Variants in MTUS2 observed in about 807,000 individuals in gnomAD.
MTUS2 encodes microtubule-associated tumor suppressor candidate 2.
In MTUS2, 40 loss-of-function variants were observed where a neutral mutation model predicts 114.1. The observed-to-expected ratio is 0.35, with a 90% confidence interval of 0.27 to 0.46. The LOEUF is 0.46. Among genes scored for constraint, MTUS2 ranks in the 20% least tolerant of loss-of-function variants. The pLI is 1.00. For synonymous variants in MTUS2, 688 were observed against 672.0 expected, an observed-to-expected ratio of 1.02 and a Z score of -0.37; for missense variants, 1,679 against 1,705.4, an observed-to-expected ratio of 0.98 and a Z score of 0.27.
chr13:28,821,983 T>C (rs1005124275), intron 1 of MTUS2, among the ~76,000 whole-genome samples: 1 of 152,214 alleles, frequency 6.6e-6, no homozygotes, highest in Non-Finnish European at 1.5e-5. Context: ...AAGTGATATA[T>C]TTCATTTGCA....
At chr13:29,173,004 C>T (rs1007706071) in intron 5 of MTUS2, among the ~76,000 whole-genome samples, 5 of 152,038 alleles carry the variant, frequency 3.3e-5, no homozygotes, top group African/African-American at 4.8e-5. Context: ...ACATATATCT[C>T]GTGTACCTAG....
rs145483745 is a variant in MTUS2 at position 29,332,006 on chromosome 13, T to G, written c.2905+7295T>G. Among the ~76,000 whole-genome samples the G allele has an allele frequency of 5.1e-3, 780 of 152,306 alleles. 3 individuals are homozygous for G. Among genetic ancestry groups the G allele is most frequent in the African/African-American group, 0.011 (452 of 41,556 alleles). On this transcript the variant is annotated intron_variant, in intron 7 of 15. Transcript: ENST00000612955. ...TCTCGTTAATGTTCATCAGGGATAT[T>G]GGCCTGAAATTTTCTTTTTTTGTTG...
intron 2 of MTUS2, among the ~76,000 whole-genome samples, chr13:28,908,598 A>T (rs963184113): frequency 2.6e-5 from 4 of 151,428 alleles, no homozygotes; most frequent in Admixed American, 2.0e-4. Context: ...GCCGCAATAA[A>T]CATACATGTG....
chr13:28,885,110 T>C (rs1348789853), intron 2 of MTUS2, among the ~76,000 whole-genome samples: 1 of 152,234 alleles, frequency 6.6e-6, no homozygotes, highest in African/African-American at 2.4e-5. Context: ...GGTAGCTTTA[T>C]CTTAACAGAT....
intron 2 of MTUS2, among the ~76,000 whole-genome samples, chr13:28,989,896 T>G (rs1884755517): frequency 6.6e-6 from 1 of 151,622 alleles, no homozygotes; most frequent in South Asian, 2.1e-4. Context: ...TGCATGTTGA[T>G]AATGAGTTCA....
chr13:29,169,529 A>T (rs1893464522), intron 5 of MTUS2, among the ~76,000 whole-genome samples: 1 of 152,108 alleles, frequency 6.6e-6, no homozygotes, highest in South Asian at 2.1e-4. Flanking sequence ...TTAATCAAGT[A>T]TTTGCATTAT....
chr13:29,382,233 G>A (rs550137451), intron 8 of MTUS2, among the ~76,000 whole-genome samples: 4 of 152,330 alleles, frequency 2.6e-5, no homozygotes, highest in African/African-American at 9.6e-5. Flanking sequence ...CTAAGCAGTG[G>A]TGGAGACCCT....
intron 8 of MTUS2, among the ~76,000 whole-genome samples, chr13:29,424,130 A>T (rs918109518): frequency 6.6e-6 from 1 of 151,994 alleles, no homozygotes; most frequent in Non-Finnish European, 1.5e-5. Context: ...GGCCTCCATA[A>T]GTGCTGGGAT....
At chr13:29,356,113 C>T (rs1869716628) in intron 7 of MTUS2, among the ~76,000 whole-genome samples, 1 of 152,100 alleles carries the variant, frequency 6.6e-6, no homozygotes, top group Non-Finnish European at 1.5e-5. Flanking sequence ...AGAAATACTT[C>T]AAGCAGTGGG....
chr13:29,283,242 A>T (rs1020785904), intron 6 of MTUS2, among the ~76,000 whole-genome samples: 2 of 152,162 alleles, frequency 1.3e-5, no homozygotes, highest in Non-Finnish European at 2.9e-5. Flanking sequence ...CTCTAGCAGC[A>T]CCTTGCAGTT....
intron 5 of MTUS2, among the ~76,000 whole-genome samples, chr13:29,192,075 C>T (rs191287595): frequency 1.2e-4 from 19 of 152,300 alleles, no homozygotes; most frequent in African/African-American, 4.6e-4. Context: ...TATTTTATTA[C>T]AGCATTGATG....
chr13:29,062,325 G>A (rs1229440758), intron 4 of MTUS2, among the ~76,000 whole-genome samples: 2 of 152,200 alleles, frequency 1.3e-5, no homozygotes, highest in Non-Finnish European at 2.9e-5. Flanking sequence ...GTGGTTGTAT[G>A]TGTATGTTTA....
Position 29,480,186 on chromosome 13 carries a change from A to C in MTUS2, c.3221A>C (p.Glu1074Ala), listed in dbSNP as rs1179702929. ...HTAKCEKLQK[E>A]KEELERRFED... ...GCAAAGTGCGAGAAACTACAAAAGG[A>C]GAAGGAGGAGCTGGAGAGGCGGTTC... The change falls in exon 10 of 16, where the codon GAG (glutamate) becomes GCG (alanine). Residue 1074 changes from glutamate to alanine, a missense_variant. Physicochemically the swap from Glu to Ala is moderately radical, Grantham distance 107. This residue lies in a region of MTUS2 where 822 missense variants were observed against 899.7 expected (regional missense o/e 0.91). Coordinates refer to ENST00000612955, the MANE Select transcript of MTUS2 (RefSeq NM_001033602.4). The surrounding 1 kb of genome is among the most constrained non-coding windows in gnomAD (Gnocchi z 4.4). The C allele has an allele frequency of 6.4e-7, 1 of 1,556,560 alleles. No homozygotes were observed. The highest frequency in any genetic ancestry group is 1.4e-5 in the African/African-American group (1 of 73,408).
chr13:29,214,941 AT>A (rs751917428), intron 5 of MTUS2, among the ~76,000 whole-genome samples: 82 of 152,196 alleles, frequency 5.4e-4, no homozygotes, highest in Non-Finnish European at 7.5e-4. Context: ...CCTGGATAAT[AT>A]CCTGAAGTGT....
intron 4 of MTUS2, among the ~76,000 whole-genome samples, chr13:29,079,890 T>C (rs1168626049): frequency 6.6e-6 from 1 of 152,218 alleles, no homozygotes; most frequent in African/African-American, 2.4e-5. Flanking sequence ...CTTTTGAATT[T>C]CTATATGAAT....
chr13:29,217,776 A>G (rs1327285369), intron 5 of MTUS2, among the ~76,000 whole-genome samples: 4 of 152,342 alleles, frequency 2.6e-5, no homozygotes, highest in Non-Finnish European at 4.4e-5. Context: ...TGCTGCTGCT[A>G]TATCAACCAA....
intron 5 of MTUS2, among the ~76,000 whole-genome samples, chr13:29,276,942 A>C (rs540625793): frequency 6.6e-6 from 1 of 152,276 alleles, no homozygotes; most frequent in East Asian, 1.9e-4. Context: ...ATAAATAAGA[A>C]AAAAGAATAA....
chr13:28,876,868 G>A (rs749415255), intron 2 of MTUS2, among the ~76,000 whole-genome samples: 2 of 152,078 alleles, frequency 1.3e-5, no homozygotes, highest in Non-Finnish European at 2.9e-5. Flanking sequence ...CACATAATAG[G>A]TTGTTGATAA....
At chr13:29,398,490 AG>A (rs1203887464) in intron 8 of MTUS2, among the ~76,000 whole-genome samples, 4 of 108,992 alleles carry the variant, frequency 3.7e-5, no homozygotes, top group Middle Eastern at 4.3e-3. Flanking sequence ...AGAAAGAAAA[AG>A]AAAAAAAAAA....
Sources: gnomAD v4.1 joint callset for allele counts (sites outside exome capture counted in the v4.1 genomes callset) on GRCh38, gnomAD v4.1.1 for gene constraint, gnomAD v4.1.1 regional missense constraint, Gnocchi (gnomAD v3.1) non-coding constraint, MANE v1.5 for transcripts, NCBI Gene and HGNC (gene_info 2026-07-23, HGNC 2026-07-21) for gene names.